CPSF7: variants seen among roughly 807,000 people sequenced by gnomAD.
CPSF7 encodes the protein cleavage and polyadenylation specificity factor subunit 7.
A neutral mutation model predicts 44.3 loss-of-function variants in CPSF7; 1 was observed. That is an observed-to-expected ratio of 0.02 (90% CI 0.01 to 0.11). The LOEUF (loss-of-function observed/expected upper bound fraction) is 0.11. CPSF7 is among the 10% of genes least tolerant of loss of function. The pLI, the probability that CPSF7 is intolerant of heterozygous loss-of-function variation, is 1.00. For missense variants in CPSF7, 443 were observed against 607.2 expected, an observed-to-expected ratio of 0.73 and a Z score of 2.84; for synonymous variants, 202 against 222.0, an observed-to-expected ratio of 0.91 and a Z score of 0.80.
chr11:61,409,597 A>G (rs559635320), intron 9 of CPSF7, among the ~76,000 whole-genome samples: 1 of 152,212 alleles, frequency 6.6e-6, no homozygotes, highest in East Asian at 1.9e-4. Context: ...GTTAAAGATA[A>G]TTTTTCAGAT....
intron 7 of CPSF7, among the ~76,000 whole-genome samples, chr11:61,412,540 T>C (rs1204383726): frequency 1.3e-5 from 2 of 152,198 alleles, no homozygotes; most frequent in Non-Finnish European, 2.9e-5. Context: ...CCGCCCGCCT[T>C]GGCCTCCCAA....
chr11:61,419,898 C>A, intron 5 of CPSF7, 51 bp downstream of exon 5: 1 of 1,600,416 alleles, frequency 6.2e-7, no homozygotes, highest in Non-Finnish European at 8.5e-7. Context: ...ACACCCCCCC[C>A]TCATACAGAT....
At chr11:61,408,133 T>C (rs1859491556) in intron 9 of CPSF7, among the ~76,000 whole-genome samples, 1 of 150,830 alleles carries the variant, frequency 6.6e-6, no homozygotes, top group African/African-American at 2.5e-5. Flanking sequence ...CTCGGCTCAC[T>C]GCAAGCTCTG....
chr11:61,419,806 C>T, intron 5 of CPSF7, 143 bp downstream of exon 5: 1 of 966,182 alleles, frequency 1.0e-6, no homozygotes, highest in Non-Finnish European at 1.6e-6. Flanking sequence ...TCGACCATGA[C>T]ACCACTCACA....
At chr11:61,413,441 G>C (rs1413476427) in intron 7 of CPSF7, among the ~76,000 whole-genome samples, 1 of 151,920 alleles carries the variant, frequency 6.6e-6, no homozygotes, top group Non-Finnish European at 1.5e-5. Context: ...GACCAGCCTG[G>C]CCAAAATGGT....
At chr11:61,419,375 T>C (rs1860646094) in intron 5 of CPSF7, among the ~76,000 whole-genome samples, 1 of 152,202 alleles carries the variant, frequency 6.6e-6, no homozygotes, top group African/African-American at 2.4e-5. Flanking sequence ...AAACATTTGG[T>C]AATCAAAAGA....
chr11:61,409,029 C>A (rs552255378), intron 9 of CPSF7, among the ~76,000 whole-genome samples: 1 of 151,110 alleles, frequency 6.6e-6, no homozygotes, highest in African/African-American at 2.4e-5. Flanking sequence ...AAAAATTAGC[C>A]CTCAGGAGGC....
chr11:61,410,826 T>C (rs959075921), intron 9 of CPSF7, 112 bp downstream of exon 9: 14 of 1,119,252 alleles, frequency 1.3e-5, no homozygotes, highest in African/African-American at 3.1e-5. Context: ...AAATCAGAAG[T>C]TCCCCCTACC....
At chr11:61,419,421 G>A (rs1860652046) in intron 5 of CPSF7, among the ~76,000 whole-genome samples, 1 of 152,180 alleles carries the variant, frequency 6.6e-6, no homozygotes, top group Non-Finnish European at 1.5e-5. Context: ...GAGAAATATT[G>A]TTCAAGTCTT....
chr11:61,424,866 T>C (rs1013396638), intron 2 of CPSF7, among the ~76,000 whole-genome samples: 6 of 152,260 alleles, frequency 3.9e-5, no homozygotes, highest in Non-Finnish European at 5.9e-5. Flanking sequence ...GCAGTATCTG[T>C]AATTCAGGTA....
chr11:61,411,612 C>T (rs544646661), intron 8 of CPSF7, among the ~76,000 whole-genome samples, 157 bp downstream of exon 8: 3 of 152,338 alleles, frequency 2.0e-5, no homozygotes, highest in South Asian at 2.1e-4. Flanking sequence ...TTAATGAAAG[C>T]ATCTGATTAG....
chr11:61,410,419 C>G (rs1487841881), intron 9 of CPSF7, among the ~76,000 whole-genome samples: 4 of 152,092 alleles, frequency 2.6e-5, no homozygotes, highest in African/African-American at 4.8e-5. Context: ...AGCTTGAAAA[C>G]TAAGTGGCAA....
chr11:61,407,667 A>G (rs1463237700), intron 9 of CPSF7, among the ~76,000 whole-genome samples: 4 of 152,244 alleles, frequency 2.6e-5, no homozygotes, highest in Non-Finnish European at 5.9e-5. Context: ...GGAATAAATG[A>G]GTGGCTAACA....
chr11:61,423,105 CAA>C (rs71471824), intron 2 of CPSF7, among the ~76,000 whole-genome samples: 6 of 52,344 alleles, frequency 1.1e-4, no homozygotes, highest in African/African-American at 3.5e-4. Flanking sequence ...GACCCCATAT[CAA>C]AAAAAAAAAA....
At chr11:61,410,678 T>C (rs889162851) in intron 9 of CPSF7, 1 of 302,122 alleles carries the variant, frequency 3.3e-6, no homozygotes, top group Admixed American at 4.7e-5. Flanking sequence ...GGGATTCAAA[T>C]TGGTACCTGA....
At chr11:61,414,410 A>G (rs1234471029) in intron 7 of CPSF7, among the ~76,000 whole-genome samples, 1 of 152,164 alleles carries the variant, frequency 6.6e-6, no homozygotes, top group Non-Finnish European at 1.5e-5. Flanking sequence ...GGCCTCCCAA[A>G]GTGCTGGGAC....
At chr11:61,429,873 T>A (rs1435499522) in intron 1 of CPSF7, 41 bp downstream of exon 1, 1 of 1,532,600 alleles carries the variant, frequency 6.5e-7, no homozygotes, top group Admixed American at 2.0e-5. Context: ...CCCGGACCCC[T>A]CTTCCGGCCC....
At chr11:61,405,642 GA>G (rs1859245388) in intron 9 of CPSF7, among the ~76,000 whole-genome samples, 1 of 152,200 alleles carries the variant, frequency 6.6e-6, no homozygotes, top group Non-Finnish European at 1.5e-5. Context: ...TAGCCAAAGG[GA>G]AAATGAGGAA....
In CPSF7 at chr11:61,429,276, G is replaced by A. The variant is rs773942137; in HGVS notation, c.-41C>T. ...ATCGCGAGTCCGGAGGATGGACAAA[G>A]TAAGGAAGATGCCACTGCGGGATTC... is the stretch of plus-strand genomic sequence containing the variant. On this transcript the variant is annotated 5_prime_UTR_variant, in exon 2 of 10. Transcript: ENST00000439958. The A allele has an allele frequency of 6.2e-7, 1 of 1,611,272 alleles. No individual in the cohort carries two copies. The highest frequency in any genetic ancestry group is 1.7e-5 in the Admixed American group (1 of 60,020).
Sources: gnomAD v4.1 joint callset for allele counts (sites outside exome capture counted in the v4.1 genomes callset) on GRCh38, gnomAD v4.1.1 for gene constraint, MANE v1.5 for transcripts, NCBI Gene and HGNC (gene_info 2026-07-23, HGNC 2026-07-21) for gene names.